Variants in NEMP2 observed in about 807,000 individuals in gnomAD.
NEMP2 encodes the protein UPF0571 transmembrane protein.
Under a neutral mutation model 54.2 loss-of-function variants are expected in NEMP2, and 53 were observed. The observed-to-expected ratio is 0.98, with a 90% CI of 0.78 to 1.23. The LOEUF (loss-of-function observed/expected upper bound fraction) is 1.23. Ranked by LOEUF, NEMP2 falls within the 50% of genes most tolerant of loss-of-function variation. NEMP2 has a pLI of 0.00. For synonymous variants in NEMP2, 197 were observed against 190.3 expected (o/e 1.04, Z -0.29); for missense variants, 455 against 511.3 (o/e 0.89, Z 1.06).
rs1690919858 is a variant in NEMP2 at position 190,525,981 on chromosome 2, G to A, written c.98-603C>T. On this transcript the variant is annotated intron_variant, in intron 1 of 8. Coordinates refer to ENST00000409150, the MANE Select transcript of NEMP2 (RefSeq NM_001142645.2). This position sits in a 1 kb window ranked among gnomAD's most constrained non-coding sequence, Gnocchi z 5.0. The stretch of plus-strand genomic sequence containing the variant: ...GGATTTTAGGTAAGTATCAGTCTCA[G>A]CAAGAAACTATTGACACTCAAAAGG... Among the ~76,000 whole-genome samples the A allele has an allele frequency of 6.6e-6, 1 of 152,150 alleles. No homozygotes were observed. The highest frequency in any genetic ancestry group is 1.5e-5 in the Non-Finnish European group (1 of 68,028).
At chr2:190,427,609 T>C in the NEMP2 span, among the ~76,000 whole-genome samples, 1 of 152,236 alleles carries the variant, frequency 6.6e-6, no homozygotes, top group Non-Finnish European at 1.5e-5. Context: ...TTTTTGTCTA[T>C]CTTTCAGAGT....
the NEMP2 span, among the ~76,000 whole-genome samples, chr2:190,606,679 C>T: frequency 6.6e-6 from 1 of 152,102 alleles, no homozygotes; most frequent in Admixed American, 6.6e-5. Context: ...CCACTGCACT[C>T]CAGCCTGGCG....
the NEMP2 span, among the ~76,000 whole-genome samples, chr2:190,645,521 G>A: frequency 6.6e-6 from 1 of 152,066 alleles, no homozygotes; most frequent in Non-Finnish European, 1.5e-5. Flanking sequence ...ACTTCTATTA[G>A]GAAATACAAT....
the NEMP2 span, among the ~76,000 whole-genome samples, chr2:190,543,302 C>G: frequency 6.6e-6 from 1 of 152,212 alleles, no homozygotes; most frequent in East Asian, 1.9e-4. The surrounding 1 kb of genome is among the most constrained non-coding windows in gnomAD (Gnocchi z 4.7). Context: ...CATTTGATAT[C>G]TCTTTTGGCC....
At chr2:190,465,631 T>A in the NEMP2 span, among the ~76,000 whole-genome samples, 1 of 152,212 alleles carries the variant, frequency 6.6e-6, no homozygotes, top group Non-Finnish European at 1.5e-5. This position sits in a 1 kb window ranked among gnomAD's most constrained non-coding sequence, Gnocchi z 4.6. Context: ...AATCCCTAAC[T>A]GTATTAGAGT....
At chr2:190,483,588 G>C in the NEMP2 span, among the ~76,000 whole-genome samples, 28 of 152,276 alleles carry the variant, frequency 1.8e-4, no homozygotes, top group African/African-American at 6.5e-4. Flanking sequence ...CGTAATCCCA[G>C]CACTTTGAGA....
chr2:190,640,597 T>C, the NEMP2 span, among the ~76,000 whole-genome samples: 1 of 152,172 alleles, frequency 6.6e-6, no homozygotes, highest in African/African-American at 2.4e-5. Flanking sequence ...ATTCAAACTG[T>C]AAAGATGTAA....
chr2:190,455,606 C>A, the NEMP2 span, among the ~76,000 whole-genome samples: 1 of 152,068 alleles, frequency 6.6e-6, no homozygotes, highest in Non-Finnish European at 1.5e-5. Context: ...GCTTATCCTT[C>A]CTGTTTCAGA....
the NEMP2 span, among the ~76,000 whole-genome samples, chr2:190,599,660 C>A: frequency 2.6e-5 from 4 of 152,088 alleles, no homozygotes; most frequent in Non-Finnish European, 5.9e-5. Context: ...GTTTACTTGG[C>A]TGTGTAGGAG....
At chr2:190,471,606 T>A in the NEMP2 span, among the ~76,000 whole-genome samples, 1 of 152,186 alleles carries the variant, frequency 6.6e-6, no homozygotes, top group Non-Finnish European at 1.5e-5. This position sits in a 1 kb window ranked among gnomAD's most constrained non-coding sequence, Gnocchi z 4.7. Flanking sequence ...AAGCTTGAAC[T>A]GGGTGGAGCC....
At chr2:190,453,514 C>T in the NEMP2 span, among the ~76,000 whole-genome samples, 2 of 152,190 alleles carry the variant, frequency 1.3e-5, no homozygotes, top group African/African-American at 4.8e-5. Flanking sequence ...AACTCTTCAT[C>T]AAAGAAGGAA....
chr2:190,645,566 G>A, the NEMP2 span, among the ~76,000 whole-genome samples: 77 of 152,204 alleles, frequency 5.1e-4, no homozygotes, highest in East Asian at 0.014. Flanking sequence ...ACAAAATTCT[G>A]CTAGTTCATA....
the NEMP2 span, among the ~76,000 whole-genome samples, chr2:190,434,177 T>C: frequency 9.2e-6 from 1 of 108,542 alleles, no homozygotes; most frequent in Admixed American, 1.1e-4. This position sits in a 1 kb window ranked among gnomAD's most constrained non-coding sequence, Gnocchi z 4.3. Flanking sequence ...TAAGACCCTG[T>C]CTCTCAAAAA....
chr2:190,645,553 A>T, the NEMP2 span, among the ~76,000 whole-genome samples: 8 of 152,224 alleles, frequency 5.3e-5, no homozygotes, highest in Admixed American at 5.2e-4. Flanking sequence ...ACATCTACAA[A>T]ATACAAAATT....
the NEMP2 span, among the ~76,000 whole-genome samples, chr2:190,570,970 C>T: frequency 2.9e-4 from 44 of 152,256 alleles, no homozygotes; most frequent in African/African-American, 9.4e-4. This position sits in a 1 kb window ranked among gnomAD's most constrained non-coding sequence, Gnocchi z 5.4. Flanking sequence ...TTTGGAGTCC[C>T]GATTACATAT....
chr2:190,625,205 T>C, the NEMP2 span: 1 of 152,050 alleles, frequency 6.6e-6, no homozygotes, highest in East Asian at 1.9e-4. Flanking sequence ...ACAACCCAAA[T>C]GTCCATCAGC....
the NEMP2 span, among the ~76,000 whole-genome samples, chr2:190,565,903 C>T: frequency 6.9e-3 from 1,053 of 152,276 alleles, 14 homozygotes; most frequent in African/African-American, 0.024. Flanking sequence ...TTCCAGCCAC[C>T]AGAACTGTGA....
rs1690265088 is a variant in NEMP2 at position 190,509,029 on chromosome 2, T to C, written c.*160A>G. ...AGAAGTCACCAAGAATGCTAAGTTA[T>C]CTTCAAAATGGGTTGGTTTCCCTTT... On this transcript the variant is annotated 3_prime_UTR_variant, in exon 9 of 9. Coordinates refer to ENST00000409150, the MANE Select transcript of NEMP2 (RefSeq NM_001142645.2). This position sits in a 1 kb window ranked among gnomAD's most constrained non-coding sequence, Gnocchi z 6.1. 1 of 1,109,330 alleles carries C rather than the reference T, an allele frequency of 9.0e-7. No individual in the cohort carries two copies. Among genetic ancestry groups the C allele is most frequent in the Non-Finnish European group, 1.2e-6 (1 of 802,698 alleles). 68.7% of individuals were successfully genotyped at this position (1,109,330 alleles called of 1,614,324 possible).
At chr2:190,445,461 A>AAC in the NEMP2 span, among the ~76,000 whole-genome samples, 4 of 148,946 alleles carry the variant, frequency 2.7e-5, no homozygotes, top group Non-Finnish European at 3.0e-5. Flanking sequence ...CAATCACAAA[A>AAC]AAAAAAACCC....
Sources: allele counts gnomAD v4.1 joint callset (sites outside exome capture counted in the v4.1 genomes callset), GRCh38; gene constraint gnomAD v4.1.1; non-coding constraint Gnocchi (gnomAD v3.1); transcripts MANE v1.5; gene names NCBI Gene and HGNC (gene_info 2026-07-23, HGNC 2026-07-21).